LRCH1: variants seen among roughly 807,000 people sequenced by gnomAD.
The protein encoded by LRCH1 is leucine rich repeats and calponin homology domain containing 1.
LRCH1 carries 23 observed loss-of-function variants against 94.9 expected under a neutral mutation model. The observed-to-expected ratio is 0.24, with a 90% confidence interval of 0.17 to 0.34. LRCH1 has a LOEUF of 0.34. Ranked by LOEUF, LRCH1 falls within the 10% of genes least tolerant of loss-of-function variation. LRCH1 has a pLI of 1.00. For synonymous variants in LRCH1, 364 were observed against 354.9 expected (o/e 1.03, Z -0.29); for missense variants, 790 against 945.9 (o/e 0.84, Z 2.16).
intron 3 of LRCH1, among the ~76,000 whole-genome samples, chr13:46,680,540 G>A (rs1334947675): frequency 6.6e-6 from 1 of 152,196 alleles, no homozygotes; most frequent in Non-Finnish European, 1.5e-5. Context: ...CTTGAATTAA[G>A]TCTTTAAAAA....
chr13:46,593,153 G>T (rs1029613343), intron 1 of LRCH1, among the ~76,000 whole-genome samples: 1 of 151,610 alleles, frequency 6.6e-6, no homozygotes, highest in African/African-American at 2.4e-5. Flanking sequence ...TCATCAAAAA[G>T]TATTAAGTGA....
At chr13:46,619,172 C>T (rs1344293819) in intron 1 of LRCH1, among the ~76,000 whole-genome samples, 6 of 149,846 alleles carry the variant, frequency 4.0e-5, no homozygotes, top group South Asian at 2.1e-4. Context: ...TGCAGTGGCA[C>T]GATCTCAGCT....
chr13:46,588,887 G>T (rs2050465983), intron 1 of LRCH1, among the ~76,000 whole-genome samples: 1 of 152,018 alleles, frequency 6.6e-6, no homozygotes, highest in Non-Finnish European at 1.5e-5. Flanking sequence ...ATAGGTGTGA[G>T]CAACCGTGCC....
At chr13:46,707,662 A>G (rs1777153979) in intron 13 of LRCH1, among the ~76,000 whole-genome samples, 1 of 152,214 alleles carries the variant, frequency 6.6e-6, no homozygotes, top group Non-Finnish European at 1.5e-5. Context: ...TTTTTAATAC[A>G]CAATTGGATG....
At chr13:46,643,695 A>AT (rs34057487) in intron 1 of LRCH1, among the ~76,000 whole-genome samples, 3 of 151,842 alleles carry the variant, frequency 2.0e-5, no homozygotes, top group South Asian at 2.1e-4. Flanking sequence ...AAACATGCCC[A>AT]TTTTTTTTGC....
At chr13:46,727,784 G>T (rs1303869275) in intron 17 of LRCH1, among the ~76,000 whole-genome samples, 2 of 152,166 alleles carry the variant, frequency 1.3e-5, no homozygotes, top group Non-Finnish European at 2.9e-5. Flanking sequence ...TGGAACCTCT[G>T]TGTATTAGTT....
chr13:46,638,561 C>T (rs2051120565), intron 1 of LRCH1, among the ~76,000 whole-genome samples: 1 of 152,152 alleles, frequency 6.6e-6, no homozygotes, highest in Non-Finnish European at 1.5e-5. Context: ...TAGTGGTTAT[C>T]TGGCTTAGTG....
rs756408066 is a variant in LRCH1, at chr13:46,742,093, G to T, written c.*245G>T. The T allele has an allele frequency of 6.7e-6, 9 of 1,345,442 alleles. No individual in the cohort carries two copies. The Middle Eastern group carries it at 8.5e-4, about 128-fold the overall frequency. 83.3% of individuals were successfully genotyped at this position (1,345,442 alleles called of 1,614,324 possible). On this transcript the variant is annotated 3_prime_UTR_variant, in exon 20 of 20. Transcript: ENST00000389797. Reference sequence around the variant, plus strand: ...GACGACTGCAAAGTGTATGCACACCGCATGCTTCCTCATCCACATAGTGCC... The same window carrying T: ...GACGACTGCAAAGTGTATGCACACCTCATGCTTCCTCATCCACATAGTGCC...
At chr13:46,615,200 C>T (rs543248896) in intron 1 of LRCH1, among the ~76,000 whole-genome samples, 1 of 152,282 alleles carries the variant, frequency 6.6e-6, no homozygotes, top group South Asian at 2.1e-4. Context: ...CATGGTTCTG[C>T]AGGCTCTGCA....
chr13:46,553,611 A>G lies in LRCH1; in HGVS notation c.215A>G (p.Asn72Ser). 1.9e-6 allele frequency: 3 copies of G among 1,571,276 alleles called. No individual in the cohort carries two copies. Among genetic ancestry groups the G allele is most frequent in the East Asian group, 2.4e-5 (1 of 41,974 alleles). The change falls in exon 1 of 20, where the codon AAC becomes AGC. Residue 72 changes from asparagine (N) to serine (S), a missense_variant. By Grantham distance (46) the Asn-to-Ser change is conservative. Coordinates refer to ENST00000389797, the MANE Select transcript of LRCH1 (RefSeq NM_001164211.2). ...GAGCGCGCGCTTGAGGAGGCGGCCA[A>G]CTCCGGGGGGCTGAACCTGAGCGCC... ...GLERALEEAA[N>S]SGGLNLSARK...
intron 7 of LRCH1, 21 bp from the exon 8 acceptor site, chr13:46,692,515 C>A: frequency 6.5e-7 from 1 of 1,539,498 alleles, no homozygotes; most frequent in Non-Finnish European, 9.0e-7. Flanking sequence ...TTGAGTTAAA[C>A]AGTGCACTGT....
intron 5 of LRCH1, 121 bp from the exon 6 acceptor site, chr13:46,687,731 A>G: frequency 3.0e-6 from 2 of 676,368 alleles, no homozygotes; most frequent in Admixed American, 3.2e-5. Context: ...TTTAGTGTAC[A>G]TTGGTAGGGT....
At chr13:46,669,293 A>T in intron 3 of LRCH1, 137 bp downstream of exon 3, 1 of 927,548 alleles carries the variant, frequency 1.1e-6, no homozygotes, top group Non-Finnish European at 1.6e-6. Context: ...TGATAAAGAC[A>T]TTAAGTGGGG....
In LRCH1 at chr13:46,695,009, A is replaced by C; in HGVS notation, c.1237A>C (p.Asn413His). ...AGATGGTCTCCATTCGGAATTTATG[A>C]ACTATAAGGCAAGATTTTCAGGATC... ...RADGLHSEFMNYKARAEDCEE... is the reference protein window; with the variant it reads ...RADGLHSEFMHYKARAEDCEE... The change falls in exon 9 of 20, where the codon AAC (asparagine) becomes CAC (histidine). Residue 413 changes from asparagine to histidine, a missense_variant. Transcript: ENST00000389797. The C allele has an allele frequency of 6.2e-7, 1 of 1,613,848 alleles. No homozygotes were observed. Among genetic ancestry groups the C allele is most frequent in the Non-Finnish European group, 8.5e-7 (1 of 1,179,886 alleles).
chr13:46,717,186 A>G (rs1872365271), intron 16 of LRCH1, among the ~76,000 whole-genome samples: 1 of 152,154 alleles, frequency 6.6e-6, no homozygotes, highest in Admixed American at 6.5e-5. Context: ...GTTGAGGTGG[A>G]GGTGAAGCTG....
intron 4 of LRCH1, among the ~76,000 whole-genome samples, chr13:46,685,128 C>A (rs1443629743): frequency 6.6e-6 from 1 of 152,218 alleles, no homozygotes; most frequent in African/African-American, 2.4e-5. Context: ...TAGCCCCTCA[C>A]ACAGAGATCT....
intron 1 of LRCH1, among the ~76,000 whole-genome samples, chr13:46,563,492 G>A (rs759928306): frequency 2.6e-5 from 4 of 152,132 alleles, no homozygotes; most frequent in Non-Finnish European, 5.9e-5. Context: ...TTCCTCACCT[G>A]TCAAATGGAG....
intron 2 of LRCH1, among the ~76,000 whole-genome samples, chr13:46,657,984 T>C (rs1055921767): frequency 6.6e-6 from 1 of 152,072 alleles, no homozygotes; most frequent in Non-Finnish European, 1.5e-5. Flanking sequence ...ATGAGATATA[T>C]TTCTTTGACA....
chr13:46,695,078 A>AT lies in LRCH1; in HGVS notation c.1245+64dup, dbSNP rs1566232124. 2.5e-6 allele frequency: 4 copies of AT among 1,582,886 alleles called. No individual in the cohort carries two copies. In the East Asian group the frequency reaches 9.0e-5, roughly 36 times the overall value. On this transcript the variant is annotated intron_variant, in intron 9 of 19. Coordinates refer to ENST00000389797, the MANE Select transcript of LRCH1 (RefSeq NM_001164211.2). ...ATTTCCTTCTGTTTGGCACCGTACA[A>AT]TTTAAGTTGAAGGTTGCCAATCCAT...
Sources: allele counts gnomAD v4.1 joint callset (sites outside exome capture counted in the v4.1 genomes callset), GRCh38; gene constraint gnomAD v4.1.1; transcripts MANE v1.5; gene names NCBI Gene and HGNC (gene_info 2026-07-23, HGNC 2026-07-21).